Variants in SEC16B observed in about 807,000 individuals in gnomAD.
SEC16B encodes the protein protein transport protein Sec16B.
SEC16B carries 115 observed loss-of-function variants against 141.8 expected under a neutral mutation model. That is an observed-to-expected ratio of 0.81 (90% CI 0.70 to 0.95). The LOEUF is 0.95. Ranked by LOEUF, SEC16B falls within the 40% of genes least tolerant of loss-of-function variation. SEC16B has a pLI of 0.00. For synonymous variants in SEC16B, 493 were observed against 492.5 expected, an observed-to-expected ratio of 1.00 and a Z score of -0.01; for missense variants, 1,291 against 1,312.3, an observed-to-expected ratio of 0.98 and a Z score of 0.25.
chr1:177,973,060 T>C (rs910072731), upstream of SEC16B: 1 of 152,240 alleles, frequency 6.6e-6, no homozygotes, highest in African/African-American at 2.4e-5. Context: ...AGTCTATGGT[T>C]TTCTGTTACA....
Position 177,954,396 on chromosome 1 carries a change from A to G in SEC16B, c.1366-20T>C, listed in dbSNP as rs372490126. ...GGCTTCCTGAAAACCAAAACATCAC[A>G]TTCAAGAGTGCCTTTCCCACCTTCC... is the stretch of plus-strand genomic sequence containing the variant. On this transcript the variant is annotated intron_variant, in intron 10 of 25. Transcript: ENST00000308284. The G allele has an allele frequency of 5.2e-6, 8 of 1,547,706 alleles. No individual in the cohort carries two copies. The African/African-American group carries it at 9.6e-5, about 19-fold the overall frequency.
At chr1:177,934,460 A>G (rs1650690078) in intron 20 of SEC16B, among the ~76,000 whole-genome samples, 1 of 152,248 alleles carries the variant, frequency 6.6e-6, no homozygotes. Flanking sequence ...AAACCTTTGG[A>G]AATACTTTAG....
intron 1 of SEC16B, among the ~76,000 whole-genome samples, chr1:177,976,936 G>C (rs551550387): frequency 6.6e-6 from 1 of 152,154 alleles, no homozygotes; most frequent in Non-Finnish European, 1.5e-5. Context: ...AACAAAATTA[G>C]AAACTTTAAG....
chr1:177,951,680 T>C (rs1652201409), intron 12 of SEC16B, among the ~76,000 whole-genome samples: 1 of 152,236 alleles, frequency 6.6e-6, no homozygotes, highest in African/African-American at 2.4e-5. Flanking sequence ...CTTACACCTT[T>C]GGAGCTCAGT....
chr1:177,930,483 T>A, intron 25 of SEC16B, 62 bp downstream of exon 25: 1 of 1,100,558 alleles, frequency 9.1e-7, no homozygotes, highest in Non-Finnish European at 1.4e-6. Context: ...ATGATAAACC[T>A]AGGTCTCCTT....
intron 12 of SEC16B, chr1:177,948,400 T>C (rs1356344752): frequency 1.5e-6 from 2 of 1,304,506 alleles, no homozygotes; most frequent in Non-Finnish European, 2.0e-6. Flanking sequence ...CAAATGCCTA[T>C]GTTTTCTGGC....
intron 10 of SEC16B, among the ~76,000 whole-genome samples, chr1:177,955,443 G>A (rs61816282): frequency 0.23 from 35,028 of 152,116 alleles, 4,126 homozygotes; most frequent in Middle Eastern, 0.29. Flanking sequence ...CACTTCCCAG[G>A]TTTAAGTGAT....
rs544048708 is a variant in SEC16B, at chr1:177,963,520, T to A, written c.642+651A>T. Among the ~76,000 whole-genome samples the A allele has an allele frequency of 5.3e-5, 8 of 152,160 alleles. No homozygotes were observed. The East Asian group carries it at 1.4e-3, about 26-fold the overall frequency. ...CGGGAGGCTGAGGCAGGAGATTCGC[T>A]TGAACCCAGGAGGTGAAGGTGGCAG... is the stretch of plus-strand genomic sequence containing the variant. On this transcript the variant is annotated intron_variant, in intron 5 of 25. Transcript: ENST00000308284.
chr1:177,979,344 G>T (rs1654307476), intron 1 of SEC16B, among the ~76,000 whole-genome samples: 1 of 152,100 alleles, frequency 6.6e-6, no homozygotes, highest in Non-Finnish European at 1.5e-5. Flanking sequence ...TTGTATAAAG[G>T]TTCATACTAT....
intron 15 of SEC16B, among the ~76,000 whole-genome samples, chr1:177,942,924 G>A (rs919507375): frequency 9.2e-5 from 14 of 152,112 alleles, no homozygotes; most frequent in Non-Finnish European, 1.9e-4. Context: ...TACTCCCTTG[G>A]TTGTTATGGA....
intron 12 of SEC16B, among the ~76,000 whole-genome samples, chr1:177,951,257 T>G (rs1382515380): frequency 6.6e-6 from 1 of 152,048 alleles, no homozygotes; most frequent in African/African-American, 2.4e-5. Context: ...TAAAAGGGCA[T>G]GCTATATATA....
intron 16 of SEC16B, among the ~76,000 whole-genome samples, chr1:177,941,277 G>A (rs1007413671): frequency 6.6e-6 from 1 of 152,148 alleles, no homozygotes; most frequent in Non-Finnish European, 1.5e-5. Flanking sequence ...CAGGGTATGG[G>A]GAGGCTCACC....
chr1:177,947,762 AGGGAG>A, intron 13 of SEC16B, 58 bp downstream of exon 13: 13 of 745,202 alleles, frequency 1.7e-5, no homozygotes, highest in African/African-American at 3.7e-5. Flanking sequence ...GGAAAGGGAC[AGGGAG>A]GGGAGGGGAG....
upstream of SEC16B, among the ~76,000 whole-genome samples, chr1:177,973,772 A>G (rs1654056121): frequency 1.3e-5 from 2 of 152,202 alleles, no homozygotes; most frequent in Admixed American, 6.5e-5. Flanking sequence ...AGCAGTAGAC[A>G]TTGAATCATA....
chr1:177,966,933 T>G (rs1653572723), intron 2 of SEC16B, among the ~76,000 whole-genome samples: 1 of 152,162 alleles, frequency 6.6e-6, no homozygotes, highest in South Asian at 2.1e-4. Context: ...TTGTCATAAT[T>G]TCAACCCTGA....
At position 177,967,829 on chromosome 1, in the gene SEC16B, G is replaced by C; in HGVS notation, c.153C>G (p.Asp51Glu). 1 of 1,614,010 alleles carries C rather than the reference G, an allele frequency of 6.2e-7. No homozygotes were observed. The highest frequency in any genetic ancestry group is 8.5e-7 in the Non-Finnish European group (1 of 1,179,898). ...HNGERFHQWQ[D>E]NRGSPQPQQE... ...GCTGTGGCTGGGGGCTCCCACGGTTGTCTTGCCATTGGTGAAACCTCTCTC... is the reference window on the plus strand; with the variant it reads ...GCTGTGGCTGGGGGCTCCCACGGTTCTCTTGCCATTGGTGAAACCTCTCTC... Residue 51 changes from aspartate to glutamate, a missense_variant, in exon 2 of 26, where the codon GAC (aspartate) becomes GAG (glutamate). This residue lies in a region of SEC16B where 681 missense variants were observed against 675.5 expected (regional missense o/e 1.01). Transcript: ENST00000308284.
intron 5 of SEC16B, among the ~76,000 whole-genome samples, chr1:177,963,550 C>T (rs1365408560): frequency 6.6e-6 from 1 of 152,140 alleles, no homozygotes; most frequent in East Asian, 1.9e-4. Context: ...TGGCAGTAAG[C>T]CGAGATTGCA....
At chr1:177,966,056 G>C (rs1314645904) in intron 2 of SEC16B, 51 bp from the exon 3 acceptor site, 24 of 1,176,180 alleles carry the variant, frequency 2.0e-5, no homozygotes, top group Non-Finnish European at 2.1e-5. Context: ...GTAGTAAAGA[G>C]AGAAACCAAT....
At position 177,932,618 on chromosome 1, in the gene SEC16B, C is replaced by A. The variant is rs969891273; in HGVS notation, c.2933-49G>T. ...GTTTCCTCTGCTCAGGACTGGGGGT[C>A]CCCACTCCCAGAAGGCACCCCAACC... On this transcript the variant is annotated intron_variant, in intron 23 of 25. Coordinates refer to ENST00000308284, the MANE Select transcript of SEC16B (RefSeq NM_033127.4). 2.7e-6 allele frequency: 4 copies of A among 1,501,690 alleles called. No individual in the cohort carries two copies. In the Admixed American group the frequency reaches 6.9e-5, roughly 26 times the overall value. The allele number at this position is 1,501,690 out of a possible 1,614,324, so 93.0% of individuals were successfully genotyped here. A position where few individuals can be genotyped will look rare whatever the true frequency, so the allele number is the denominator to read the frequency against.
Sources: gnomAD v4.1 joint callset for allele counts (sites outside exome capture counted in the v4.1 genomes callset) on GRCh38, gnomAD v4.1.1 for gene constraint, gnomAD v4.1.1 regional missense constraint, MANE v1.5 for transcripts, NCBI Gene and HGNC (gene_info 2026-07-23, HGNC 2026-07-21) for gene names.